The following NRG3 variants were observed in gnomAD, a reference collection of about 807,000 sequenced individuals.
NRG3 encodes the protein pro-neuregulin-3, membrane-bound isoform.
In NRG3, 31 loss-of-function variants were observed where a neutral mutation model predicts 66.9. The ratio of observed to expected loss-of-function variants is 0.46; its 90% confidence interval spans 0.35 to 0.63. NRG3 has a LOEUF of 0.63. Ranked by LOEUF, NRG3 falls within the 20% of genes least tolerant of loss-of-function variation. The probability of loss-of-function intolerance (pLI) is 0.00; values close to 1 mark genes in which losing one functional copy is unlikely to be tolerated. For missense variants in NRG3, 910 were observed against 878.9 expected, an observed-to-expected ratio of 1.04 and a Z score of -0.45; for synonymous variants, 393 against 359.4, an observed-to-expected ratio of 1.09 and a Z score of -1.06.
At chr10:81,932,278 CT>C (rs990449319) in intron 1 of NRG3, among the ~76,000 whole-genome samples, 9 of 151,972 alleles carry the variant, frequency 5.9e-5, no homozygotes, top group African/African-American at 1.9e-4. Flanking sequence ...GTGCCATACA[CT>C]TTTTAATGAC....
chr10:82,865,358 T>C, intron 3 of NRG3, 53 bp from the exon 4 acceptor site: 2 of 1,602,966 alleles, frequency 1.2e-6, no homozygotes, highest in African/African-American at 1.3e-5. Flanking sequence ...GAGCTTTTTC[T>C]AACCTTTTTC....
chr10:82,639,023 C>T (rs1388900320), intron 2 of NRG3, among the ~76,000 whole-genome samples: 4 of 152,172 alleles, frequency 2.6e-5, no homozygotes, highest in Non-Finnish European at 4.4e-5. Context: ...AAAACATCCC[C>T]TTCAACTCTG....
chr10:81,944,760 C>T (rs764293961), intron 1 of NRG3, among the ~76,000 whole-genome samples: 3 of 152,104 alleles, frequency 2.0e-5, no homozygotes, highest in Non-Finnish European at 2.9e-5. Context: ...GAAACTTCTA[C>T]GTATCCTGAG....
At chr10:82,271,326 T>C (rs192272157) in intron 1 of NRG3, among the ~76,000 whole-genome samples, 16 of 152,158 alleles carry the variant, frequency 1.1e-4, no homozygotes, top group Admixed American at 1.0e-3. Flanking sequence ...GGGCAGGTAG[T>C]TAACTTTTTT....
chr10:82,803,848 T>C (rs964811311), intron 3 of NRG3, among the ~76,000 whole-genome samples: 18 of 152,346 alleles, frequency 1.2e-4, no homozygotes, highest in South Asian at 6.2e-4. Context: ...AGTCCCTCCT[T>C]ATCCATGGCT....
At chr10:82,860,217 G>A (rs1467395951) in intron 3 of NRG3, among the ~76,000 whole-genome samples, 1 of 152,128 alleles carries the variant, frequency 6.6e-6, no homozygotes, top group East Asian at 1.9e-4. Flanking sequence ...GATAACAGTT[G>A]TCTTCCTTTG....
At chr10:82,232,977 G>C in intron 1 of NRG3, 1 of 608,486 alleles carries the variant, frequency 1.6e-6, no homozygotes, top group Non-Finnish European at 3.0e-6. Flanking sequence ...GCTTAAGACA[G>C]AAGAATATTG....
intron 4 of NRG3, among the ~76,000 whole-genome samples, chr10:82,879,694 T>G (rs1842139982): frequency 6.6e-6 from 1 of 152,022 alleles, no homozygotes; most frequent in African/African-American, 2.4e-5. Context: ...GCCAGGATGG[T>G]CTCGATCTCC....
chr10:82,111,145 T>TC (rs1722375555), intron 1 of NRG3, among the ~76,000 whole-genome samples: 1 of 152,182 alleles, frequency 6.6e-6, no homozygotes, highest in African/African-American at 2.4e-5. Context: ...GGGTTGGATC[T>TC]GGCCTCTTTA....
rs957885925 is a variant in NRG3, at chr10:82,103,223, A to G, written c.823+227060A>G. ...AGAGTCATGATTTTTTCATTCCTTT[A>G]TATGTAATGTGCCATATTTTTGTGG... On this transcript the variant is annotated intron_variant, in intron 1 of 8. Coordinates refer to ENST00000372141, the MANE Select transcript of NRG3 (RefSeq NM_001010848.4). Among the ~76,000 whole-genome samples the G allele has an allele frequency of 3.9e-5, 6 of 151,944 alleles. No homozygotes were observed. The East Asian group carries it at 7.7e-4, about 20-fold the overall frequency.
intron 1 of NRG3, among the ~76,000 whole-genome samples, chr10:82,049,954 A>G (rs1306064608): frequency 2.6e-5 from 4 of 151,996 alleles, no homozygotes; most frequent in Non-Finnish European, 5.9e-5. Flanking sequence ...TGCAGGAATG[A>G]CTTATTGTAG....
chr10:82,491,087 A>G (rs1365908608), intron 2 of NRG3, among the ~76,000 whole-genome samples: 1 of 151,456 alleles, frequency 6.6e-6, no homozygotes, highest in Non-Finnish European at 1.5e-5. Flanking sequence ...ATACCATCAC[A>G]TTCCAGCTGT....
intron 2 of NRG3, among the ~76,000 whole-genome samples, chr10:82,458,470 C>T (rs2136681205): frequency 6.6e-6 from 1 of 152,148 alleles, no homozygotes; most frequent in African/African-American, 2.4e-5. Flanking sequence ...TATTTGTGTG[C>T]CAGAAGAGCA....
intron 4 of NRG3, among the ~76,000 whole-genome samples, chr10:82,879,331 G>A (rs1011912148): frequency 6.6e-6 from 1 of 152,104 alleles, no homozygotes; most frequent in African/African-American, 2.4e-5. Flanking sequence ...TGTCTAAAAC[G>A]TATAAGCAAA....
At chr10:82,830,364 A>G (rs2062455138) in intron 3 of NRG3, among the ~76,000 whole-genome samples, 1 of 152,218 alleles carries the variant, frequency 6.6e-6, no homozygotes, top group Non-Finnish European at 1.5e-5. Context: ...TGTTAACAAA[A>G]TATCTTTTCC....
At chr10:82,247,895 C>G (rs1407019217) in intron 1 of NRG3, among the ~76,000 whole-genome samples, 1 of 152,098 alleles carries the variant, frequency 6.6e-6, no homozygotes, top group Non-Finnish European at 1.5e-5. Context: ...TACCTAACTT[C>G]TCTGCAAAGA....
chr10:81,997,557 C>T (rs1170818284), intron 1 of NRG3, among the ~76,000 whole-genome samples: 1 of 151,944 alleles, frequency 6.6e-6, no homozygotes. Flanking sequence ...CCCCGAATTC[C>T]AATTAGCCCA....
At chr10:81,972,514 A>C (rs1206417841) in intron 1 of NRG3, among the ~76,000 whole-genome samples, 1 of 152,252 alleles carries the variant, frequency 6.6e-6, no homozygotes, top group African/African-American at 2.4e-5. Context: ...TTTGAAATAA[A>C]AAATACACTA....
At chr10:82,025,144 T>G (rs1485762209) in intron 1 of NRG3, among the ~76,000 whole-genome samples, 2 of 151,854 alleles carry the variant, frequency 1.3e-5, no homozygotes, top group Non-Finnish European at 2.9e-5. Context: ...TTGTTTCTTA[T>G]TTTTTAAATT....
Sources: gnomAD v4.1 joint callset for allele counts (sites outside exome capture counted in the v4.1 genomes callset) on GRCh38, gnomAD v4.1.1 for gene constraint, MANE v1.5 for transcripts, NCBI Gene and HGNC (gene_info 2026-07-23, HGNC 2026-07-21) for gene names.